HPCAL1: variants seen among roughly 807,000 people sequenced by gnomAD.
HPCAL1 encodes the protein hippocalcin like 1.
HPCAL1 carries 8 observed loss-of-function variants against 17.1 expected under a neutral mutation model. The ratio of observed to expected loss-of-function variants is 0.47; its 90% confidence interval spans 0.27 to 0.84. The LOEUF (loss-of-function observed/expected upper bound fraction) is 0.84, where lower values mean the gene tolerates loss of function less well. HPCAL1 is among the 40% of genes least tolerant of loss of function. HPCAL1 has a pLI of 0.13. For synonymous variants in HPCAL1, 112 were observed against 111.4 expected (o/e 1.01, Z -0.03); for missense variants, 165 against 271.1 (o/e 0.61, Z 2.75).
At position 10,419,985 on chromosome 2, in the gene HPCAL1, C is replaced by T. The variant is rs143115310; in HGVS notation, c.228C>T (p.Gly76=). The T allele has an allele frequency of 1.9e-5, 31 of 1,613,878 alleles. No homozygotes were observed. The highest frequency in any genetic ancestry group is 6.7e-5 in the African/African-American group (5 of 74,922). The change falls in exon 3 of 5, where the codon GGC becomes GGT. Residue 76 remains glycine, a synonymous_variant. Transcript: ENST00000307845. The surrounding 1 kb of genome is among the most constrained non-coding windows in gnomAD (Gnocchi z 5.0). ...EHVFRTFDTN[G]DGTIDFREFI... ...TCTTCCGCACCTTCGACACCAACGG[C>T]GACGGCACCATCGACTTCCGGGAGT...
chr2:10,382,518 G>C (rs1314447265), intron 1 of HPCAL1, among the ~76,000 whole-genome samples: 1 of 150,664 alleles, frequency 6.6e-6, no homozygotes, highest in Non-Finnish European at 1.5e-5. Context: ...AGGGCAGGAG[G>C]TATGTAGAGA....
chr2:10,374,061 C>T (rs983478534), intron 1 of HPCAL1, among the ~76,000 whole-genome samples: 4 of 152,238 alleles, frequency 2.6e-5, no homozygotes, highest in East Asian at 1.9e-4. Flanking sequence ...TGGCCTGGCC[C>T]GGCCCGCCTG....
chr2:10,317,240 G>C (rs1396998719), intron 1 of HPCAL1, among the ~76,000 whole-genome samples: 1 of 152,062 alleles, frequency 6.6e-6, no homozygotes, highest in Non-Finnish European at 1.5e-5. Context: ...TTTGTCCTCG[G>C]TTTTGTTTTG....
rs1321287196 is a variant in HPCAL1, at chr2:10,362,375, A to G, written c.-110-34460A>G. Among the ~76,000 whole-genome samples the G allele has an allele frequency of 6.6e-6, 1 of 152,126 alleles. No individual in the cohort carries two copies. Among genetic ancestry groups the G allele is most frequent in the East Asian group, 1.9e-4 (1 of 5,172 alleles). On this transcript the variant is annotated intron_variant, in intron 1 of 4. Transcript: ENST00000307845. This position sits in a 1 kb window ranked among gnomAD's most constrained non-coding sequence, Gnocchi z 5.0. ...GGGAGGGCCACATGACAGCAAGCAG[A>G]GCCTCGAATGCCTGAGTCCTGGCTC...
rs550592869 is a variant in HPCAL1 at position 10,305,015 on chromosome 2, C to T, written c.-111+1838C>T. On this transcript the variant is annotated intron_variant, in intron 1 of 4. Coordinates refer to ENST00000307845, the MANE Select transcript of HPCAL1 (RefSeq NM_002149.4). ...AAACCTGGTCCGGTTCCTTTGGTTT[C>T]CCTCGGCCGAGACTGAAGCCCTGCA... Among the ~76,000 whole-genome samples, 3 of 152,256 alleles carry T rather than the reference C, an allele frequency of 2.0e-5. No homozygotes were observed. The South Asian group carries it at 6.2e-4, about 32-fold the overall frequency.
At chr2:10,366,456 G>A (rs1392233776) in intron 1 of HPCAL1, among the ~76,000 whole-genome samples, 8 of 152,052 alleles carry the variant, frequency 5.3e-5, no homozygotes, top group African/African-American at 1.2e-4. Context: ...TGCTGGTCTC[G>A]AACTCCTGAC....
chr2:10,425,264 G>T (rs1671333452), intron 4 of HPCAL1: 1 of 152,858 alleles, frequency 6.5e-6, no homozygotes, highest in Admixed American at 6.5e-5. Flanking sequence ...CAGAGGTGGA[G>T]GGTGGGGAGC....
At chr2:10,360,695 T>C (rs1329467739) in intron 1 of HPCAL1, among the ~76,000 whole-genome samples, 1 of 152,166 alleles carries the variant, frequency 6.6e-6, no homozygotes, top group East Asian at 1.9e-4. Context: ...TGAGCCACCA[T>C]GCCGCCCGGC....
rs551155306 is a variant in HPCAL1 at position 10,362,622 on chromosome 2, C to G, written c.-110-34213C>G. On this transcript the variant is annotated intron_variant, in intron 1 of 4. Transcript: ENST00000307845. This position sits in a 1 kb window ranked among gnomAD's most constrained non-coding sequence, Gnocchi z 5.0. ...CAGCCTCACCAGGGACATATCAGCC[C>G]CAGGCTGATTATCTGCAGACCGGGA... 1.2e-4 allele frequency among the ~76,000 whole-genome samples: 19 copies of G among 152,284 alleles called. No individual in the cohort carries two copies. The highest frequency in any genetic ancestry group is 4.3e-4 in the African/African-American group (18 of 41,570).
At chr2:10,420,675 C>T (rs867341510) in intron 3 of HPCAL1, among the ~76,000 whole-genome samples, 9 of 152,252 alleles carry the variant, frequency 5.9e-5, no homozygotes, top group South Asian at 2.1e-4. Context: ...CACTTTGATC[C>T]GTTTTCATCT....
At chr2:10,317,281 T>C (rs1663376807) in intron 1 of HPCAL1, among the ~76,000 whole-genome samples, 1 of 152,170 alleles carries the variant, frequency 6.6e-6, no homozygotes, top group Non-Finnish European at 1.5e-5. Flanking sequence ...AACCCTACCT[T>C]TTCCTATCAG....
intron 2 of HPCAL1, among the ~76,000 whole-genome samples, chr2:10,405,347 A>T (rs1669902701): frequency 6.6e-6 from 1 of 152,220 alleles, no homozygotes; most frequent in African/African-American, 2.4e-5. Context: ...TGACACTGGC[A>T]ACTCTAGCCC....
At chr2:10,411,097 A>G (rs1670326790) in intron 2 of HPCAL1, among the ~76,000 whole-genome samples, 1 of 152,060 alleles carries the variant, frequency 6.6e-6, no homozygotes, top group African/African-American at 2.4e-5. Context: ...CGTCACCTTC[A>G]TTTGGCATTC....
chr2:10,345,523 C>G (rs1401450667), intron 1 of HPCAL1, among the ~76,000 whole-genome samples: 2 of 149,688 alleles, frequency 1.3e-5, no homozygotes, highest in African/African-American at 2.5e-5. Context: ...GTGGCACAAT[C>G]TTGGCCTACT....
intron 1 of HPCAL1, among the ~76,000 whole-genome samples, chr2:10,378,511 G>A (rs1484184299): frequency 6.6e-6 from 1 of 152,120 alleles, no homozygotes; most frequent in Admixed American, 6.5e-5. Context: ...GGCTCTTCCT[G>A]CTTTGCAGGT....
intron 1 of HPCAL1, among the ~76,000 whole-genome samples, chr2:10,364,348 G>GC (rs963197060): frequency 5.9e-5 from 9 of 152,290 alleles, no homozygotes; most frequent in African/African-American, 1.4e-4. Context: ...TGAGGGTGAG[G>GC]CCCCCCCTAC....
intron 2 of HPCAL1, among the ~76,000 whole-genome samples, chr2:10,412,331 C>G (rs1403828036): frequency 6.6e-6 from 1 of 152,188 alleles, no homozygotes; most frequent in Non-Finnish European, 1.5e-5. Context: ...AGGTACATGA[C>G]TGGTTGGGGA....
Position 10,419,958 on chromosome 2 carries a change from C to T in HPCAL1, c.201C>T (p.His67=). 1 of 1,613,990 alleles carries T rather than the reference C, an allele frequency of 6.2e-7. No individual in the cohort carries two copies. Among genetic ancestry groups the T allele is most frequent in the Non-Finnish European group, 8.5e-7 (1 of 1,180,026 alleles). The part of the protein sequence containing the change: ...PYGDASKFAE[H]VFRTFDTNGD... ...GCGACGCTTCCAAGTTCGCCGAGCA[C>T]GTCTTCCGCACCTTCGACACCAACG... Residue 67 remains histidine, a synonymous_variant, in exon 3 of 5, where the codon CAC becomes CAT. Transcript: ENST00000307845. The surrounding 1 kb of genome is among the most constrained non-coding windows in gnomAD (Gnocchi z 5.0).
At chr2:10,314,608 A>G (rs533434060) in intron 1 of HPCAL1, among the ~76,000 whole-genome samples, 1 of 152,288 alleles carries the variant, frequency 6.6e-6, no homozygotes, top group Non-Finnish European at 1.5e-5. Context: ...AACCACTGCT[A>G]GGGTTGTTGC....
Sources: allele counts gnomAD v4.1 joint callset (sites outside exome capture counted in the v4.1 genomes callset), GRCh38; gene constraint gnomAD v4.1.1; non-coding constraint Gnocchi (gnomAD v3.1); transcripts MANE v1.5; gene names NCBI Gene and HGNC (gene_info 2026-07-23, HGNC 2026-07-21).